ZNF382: variants seen among roughly 807,000 people sequenced by gnomAD.
The protein encoded by ZNF382 is zinc finger protein 382.
Under a neutral mutation model 38.8 loss-of-function variants are expected in ZNF382, and 20 were observed. The ratio of observed to expected loss-of-function variants is 0.51; its 90% CI spans 0.36 to 0.75. The LOEUF is 0.75. Among genes scored for constraint, ZNF382 ranks in the 30% least tolerant of loss-of-function variants. The probability of loss-of-function intolerance (pLI) is 0.00; values close to 1 mark genes in which losing one functional copy is unlikely to be tolerated. For synonymous variants in ZNF382, 202 were observed against 223.1 expected (o/e 0.91, Z 0.84); for missense variants, 546 against 654.1 (o/e 0.83, Z 1.80).
intron 4 of ZNF382, among the ~76,000 whole-genome samples, chr19:36,619,708 C>T (rs1470940274): frequency 6.6e-6 from 1 of 151,298 alleles, no homozygotes; most frequent in Non-Finnish European, 1.5e-5. Context: ...TACTTGGTTA[C>T]ACTATTCAGA....
At position 36,626,237 on chromosome 19, in the gene ZNF382, A is replaced by G; in HGVS notation, c.340A>G (p.Ser114Gly). ...CCACAAAAAACTAATTAAGGAGAGA[A>G]GTAATATTTATGGTAAAACATTTAC... ...INHKKLIKER[S>G]NIYGKTFTLG... Residue 114 changes from serine to glycine, a missense_variant, in exon 5 of 5, where the codon AGT (serine) becomes GGT (glycine). By Grantham distance (56) the Ser-to-Gly change is moderately conservative (BLOSUM62 0). Transcript: ENST00000292928. The G allele has an allele frequency of 1.9e-6, 3 of 1,609,850 alleles. No individual in the cohort carries two copies. Among genetic ancestry groups the G allele is most frequent in the Non-Finnish European group, 2.5e-6 (3 of 1,178,866 alleles).
intron 4 of ZNF382, among the ~76,000 whole-genome samples, chr19:36,625,813 C>T (rs1356032643): frequency 6.6e-6 from 1 of 152,172 alleles, no homozygotes; most frequent in Non-Finnish European, 1.5e-5. Flanking sequence ...CCCGCCTTGG[C>T]CTCCCAGAGT....
chr19:36,615,705 GT>G (rs2037120890), intron 4 of ZNF382, among the ~76,000 whole-genome samples: 1 of 152,118 alleles, frequency 6.6e-6, no homozygotes, highest in African/African-American at 2.4e-5. Flanking sequence ...ACATAGGTTT[GT>G]TTGTTTTGTT....
chr19:36,625,103 T>TATATATATATAC (rs2037200815), intron 4 of ZNF382, among the ~76,000 whole-genome samples: 5 of 119,962 alleles, frequency 4.2e-5, no homozygotes, highest in South Asian at 2.6e-4. Flanking sequence ...TATATATATA[T>TATATATATATAC]ATATATATAT....
chr19:36,614,330 A>G (rs1232900523), intron 4 of ZNF382, among the ~76,000 whole-genome samples: 1 of 152,100 alleles, frequency 6.6e-6, no homozygotes, highest in African/African-American at 2.4e-5. Flanking sequence ...ACAGAGTGAG[A>G]CTCCATCTCA....
At chr19:36,608,760 T>C (rs1192075108) in intron 2 of ZNF382, 3 of 152,288 alleles carry the variant, frequency 2.0e-5, no homozygotes, top group Non-Finnish European at 4.4e-5. Context: ...TTTCCAAAGC[T>C]TACCTCATTA....
intron 4 of ZNF382, among the ~76,000 whole-genome samples, chr19:36,612,896 A>G (rs1452695867): frequency 6.6e-6 from 1 of 152,114 alleles, no homozygotes; most frequent in African/African-American, 2.4e-5. Context: ...GGTTCAAGCA[A>G]TTCTCCTGCC....
chr19:36,633,757 G>A lies in ZNF382; in HGVS notation c.*6207G>A, dbSNP rs2145345688. 1 of 152,194 alleles carries A rather than the reference G, an allele frequency of 6.6e-6. No homozygotes were observed. Among genetic ancestry groups the A allele is most frequent in the Non-Finnish European group, 1.5e-5 (1 of 68,010 alleles). The allele number at this position is 152,194 out of a possible 1,614,324, so 9.4% of individuals were successfully genotyped here. A position where few individuals can be genotyped will look rare whatever the true frequency, so the allele number is the denominator to read the frequency against. On this transcript the variant is annotated 3_prime_UTR_variant, in exon 5 of 5. Coordinates refer to ENST00000292928, the MANE Select transcript of ZNF382 (RefSeq NM_032825.5). ...AATTCTACTCAACGATAACAATAAT[G>A]AGCTACTGAAACATGCAGCTACATA... is the stretch of plus-strand genomic sequence containing the variant.
chr19:36,620,995 G>C (rs2037164504), intron 4 of ZNF382, among the ~76,000 whole-genome samples: 1 of 152,094 alleles, frequency 6.6e-6, no homozygotes, highest in African/African-American at 2.4e-5. Flanking sequence ...CTGGTCTCAA[G>C]TGATGTGCCC....
At chr19:36,617,824 T>C (rs533076335) in intron 4 of ZNF382, among the ~76,000 whole-genome samples, 1 of 152,208 alleles carries the variant, frequency 6.6e-6, no homozygotes, top group East Asian at 1.9e-4. Flanking sequence ...ATATCAGATA[T>C]TGAGAGTGGG....
At chr19:36,626,024 T>C in intron 4 of ZNF382, 106 bp from the exon 5 acceptor site, 1 of 706,252 alleles carries the variant, frequency 1.4e-6, no homozygotes, top group Non-Finnish European at 2.1e-6. Flanking sequence ...TCTGGCCTTT[T>C]TGTAGATCAC....
At position 36,626,772 on chromosome 19, in the gene ZNF382, A is replaced by G; in HGVS notation, c.875A>G (p.Glu292Gly). The G allele has an allele frequency of 6.2e-7, 1 of 1,614,244 alleles. No individual in the cohort carries two copies. The highest frequency in any genetic ancestry group is 8.5e-7 in the Non-Finnish European group (1 of 1,180,048). ...VFIMPQRPQT[E>G]EKPFHCPYCG... ...ATTATGCCTCAGAGACCTCAAACAG[A>G]AGAGAAACCCTTTCACTGTCCTTAC... is the stretch of plus-strand genomic sequence containing the variant. The change falls in exon 5 of 5, where the codon GAA becomes GGA. Residue 292 changes from glutamate to glycine, a missense_variant. Transcript: ENST00000292928.
At chr19:36,610,170 A>T in intron 3 of ZNF382, 117 bp downstream of exon 3, 1 of 1,329,258 alleles carries the variant, frequency 7.5e-7, no homozygotes, top group Non-Finnish European at 1.0e-6. Flanking sequence ...AGAAAATATT[A>T]TATTGCCAGG....
At chr19:36,621,060 G>A (rs1473601569) in intron 4 of ZNF382, among the ~76,000 whole-genome samples, 2 of 151,904 alleles carry the variant, frequency 1.3e-5, no homozygotes, top group African/African-American at 2.4e-5. Context: ...CGCCCGGCCT[G>A]TTCCCATAAT....
Position 36,632,707 on chromosome 19 carries a change from A to G in ZNF382, c.*5157A>G, listed in dbSNP as rs2037261453. 1 of 152,210 alleles carries G rather than the reference A, an allele frequency of 6.6e-6. No homozygotes were observed. The allele number at this position is 152,210 out of a possible 1,614,324, so 9.4% of individuals were successfully genotyped here. ...AGCCAGACATCTGGGCATCGTGGAG[A>G]TAATTTTAGAGCTTTGCAGTCTGAC... On this transcript the variant is annotated 3_prime_UTR_variant, in exon 5 of 5. Transcript: ENST00000292928.
intron 4 of ZNF382, among the ~76,000 whole-genome samples, chr19:36,621,324 G>GTTTTTTTTTTT (rs10557413): frequency 9.6e-6 from 1 of 104,494 alleles, no homozygotes; most frequent in Non-Finnish European, 1.9e-5. Flanking sequence ...TTTTTCCCTA[G>GTTTTTTTTTTT]TTTTTTTTTT....
Position 36,626,357 on chromosome 19 carries a change from A to T in ZNF382, c.460A>T (p.Ile154Leu). The change falls in exon 5 of 5, where the codon ATA becomes TTA. Residue 154 changes from isoleucine to leucine, a missense_variant. Physicochemically the swap from Ile to Leu is conservative, Grantham distance 5. Transcript: ENST00000292928. ...TATTTCAGAACTAGTCATTAGAAAT[A>T]TAAGCCCCATAAAAGAGAAGTTTGG... ...KNISELVIRN[I>L]SPIKEKFGDS... The T allele has an allele frequency of 6.3e-7, 1 of 1,579,986 alleles. No homozygotes were observed. Among genetic ancestry groups the T allele is most frequent in the Non-Finnish European group, 8.6e-7 (1 of 1,168,480 alleles).
chr19:36,625,218 G>T (rs1169212102), intron 4 of ZNF382, among the ~76,000 whole-genome samples: 2 of 147,284 alleles, frequency 1.4e-5, no homozygotes, highest in African/African-American at 2.5e-5. Context: ...ATGTTTTCCA[G>T]ATTCTCTGCT....
Position 36,616,039 on chromosome 19 carries a change from C to T in ZNF382, c.232+5297C>T, listed in dbSNP as rs567694809. On this transcript the variant is annotated intron_variant, in intron 4 of 4. Coordinates refer to ENST00000292928, the MANE Select transcript of ZNF382 (RefSeq NM_032825.5). ...TAGGAACATTTCACTTATATAAACA[C>T]TCATTTTTCTCTTAAAACAATTTGA... 2.0e-5 allele frequency among the ~76,000 whole-genome samples: 3 copies of T among 152,262 alleles called. No individual in the cohort carries two copies. The South Asian group carries it at 6.2e-4, about 32-fold the overall frequency.
Sources: allele counts gnomAD v4.1 joint callset (sites outside exome capture counted in the v4.1 genomes callset), GRCh38; gene constraint gnomAD v4.1.1; transcripts MANE v1.5; gene names NCBI Gene and HGNC (gene_info 2026-07-23, HGNC 2026-07-21).